The following PDSS2 variants were observed in gnomAD, a reference collection of about 807,000 sequenced individuals.
PDSS2 encodes decaprenyl diphosphate synthase subunit 2.
PDSS2 carries 31 observed loss-of-function variants against 44.5 expected under a neutral mutation model. The observed-to-expected ratio is 0.70, with a 90% CI of 0.52 to 0.94. The LOEUF is 0.94. PDSS2 is among the 40% of genes least tolerant of loss of function. The probability of loss-of-function intolerance (pLI) is 0.00; values close to 1 mark genes in which losing one functional copy is unlikely to be tolerated. For missense variants in PDSS2, 452 were observed against 482.2 expected, an observed-to-expected ratio of 0.94 and a Z score of 0.59; for synonymous variants, 157 against 180.3, an observed-to-expected ratio of 0.87 and a Z score of 1.03.
intron 1 of PDSS2, among the ~76,000 whole-genome samples, chr6:107,354,836 T>C (rs1212283475): frequency 6.6e-6 from 1 of 152,188 alleles, no homozygotes; most frequent in East Asian, 1.9e-4. Flanking sequence ...ACCTGCAAAA[T>C]AATATTTGGT....
At chr6:107,256,210 C>G (rs1256253927) in intron 3 of PDSS2, among the ~76,000 whole-genome samples, 1 of 152,088 alleles carries the variant, frequency 6.6e-6, no homozygotes, top group East Asian at 1.9e-4. Flanking sequence ...AGGCTGGTCT[C>G]GAACTCCTGA....
chr6:107,229,298 C>T lies in PDSS2; in HGVS notation c.702+16250G>A, dbSNP rs181997608. On this transcript the variant is annotated intron_variant, in intron 4 of 7. Transcript: ENST00000369037. The stretch of plus-strand genomic sequence containing the variant: ...ACCTCCTGGGTTCAAGCAATTCTCC[C>T]GCCTCAGCCTCCAGAGTAGCTGGGG... 3.4e-4 allele frequency among the ~76,000 whole-genome samples: 51 copies of T among 152,162 alleles called. No homozygotes were observed. In the East Asian group the frequency reaches 7.2e-3, roughly 21 times the overall value.
At chr6:107,328,660 T>C (rs775014779) in intron 2 of PDSS2, among the ~76,000 whole-genome samples, 18 of 152,296 alleles carry the variant, frequency 1.2e-4, no homozygotes, top group Middle Eastern at 3.4e-3. Context: ...ACCAAACTTT[T>C]GCCGCTTTCC....
chr6:107,214,107 A>AG (rs1773324960), intron 4 of PDSS2, among the ~76,000 whole-genome samples: 1 of 136,530 alleles, frequency 7.3e-6, no homozygotes, highest in African/African-American at 3.1e-5. Flanking sequence ...GCTATTTTAC[A>AG]CTTTTTTTTT....
At chr6:107,192,857 C>T (rs1051645017) in intron 7 of PDSS2, among the ~76,000 whole-genome samples, 10 of 152,046 alleles carry the variant, frequency 6.6e-5, no homozygotes, top group African/African-American at 2.4e-4. Context: ...TGGGTGTGCC[C>T]CACTAGGCTG....
chr6:107,402,222 G>C (rs1442898484), intron 1 of PDSS2, among the ~76,000 whole-genome samples: 4 of 151,326 alleles, frequency 2.6e-5, no homozygotes, highest in African/African-American at 9.7e-5. Context: ...AGAGGTTGCA[G>C]TGAGCCGAGA....
At chr6:107,254,945 C>T (rs554884743) in intron 3 of PDSS2, among the ~76,000 whole-genome samples, 75 of 151,550 alleles carry the variant, frequency 4.9e-4, no homozygotes, top group African/African-American at 1.8e-3. Flanking sequence ...CTCACTCCAA[C>T]TGCCACCTCC....
At chr6:107,295,833 A>T (rs1776491631) in intron 2 of PDSS2, among the ~76,000 whole-genome samples, 1 of 151,592 alleles carries the variant, frequency 6.6e-6, no homozygotes, top group African/African-American at 2.4e-5. Flanking sequence ...CCCTAGAATA[A>T]TTTTTTTTAG....
At chr6:107,401,473 A>T (rs1158440822) in intron 1 of PDSS2, among the ~76,000 whole-genome samples, 2 of 152,216 alleles carry the variant, frequency 1.3e-5, no homozygotes, top group Non-Finnish European at 2.9e-5. Context: ...CTGTTACCCC[A>T]GATGTGAAGG....
Position 107,153,888 on chromosome 6 carries a change from CA to C in PDSS2, c.*730del, listed in dbSNP as rs1770791657. ...GTCAGGAGTTCGAGACTAGCCTGACCAACATAGTGAAACCCCATCTCTACTA... is the reference window on the plus strand; with the variant it reads ...GTCAGGAGTTCGAGACTAGCCTGACCACATAGTGAAACCCCATCTCTACTA... On this transcript the variant is annotated 3_prime_UTR_variant, in exon 8 of 8. Transcript: ENST00000369037. 6.6e-6 allele frequency: 1 copy of C among 152,316 alleles called. No homozygotes were observed. The highest frequency in any genetic ancestry group is 1.5e-5 in the Non-Finnish European group (1 of 68,298). 9.4% of individuals were successfully genotyped at this position (152,316 alleles called of 1,614,324 possible).
intron 1 of PDSS2, among the ~76,000 whole-genome samples, chr6:107,418,717 G>T (rs2114689916): frequency 6.6e-6 from 1 of 152,322 alleles, no homozygotes; most frequent in East Asian, 1.9e-4. Flanking sequence ...GGTGGCTGCA[G>T]TGAGCCGAGA....
chr6:107,163,099 A>C (rs1365536921), intron 7 of PDSS2, among the ~76,000 whole-genome samples: 1 of 152,052 alleles, frequency 6.6e-6, no homozygotes, highest in Non-Finnish European at 1.5e-5. Flanking sequence ...ACCAGCCTGC[A>C]CTCCAGAATG....
intron 1 of PDSS2, among the ~76,000 whole-genome samples, chr6:107,446,310 A>G (rs319082): frequency 0.78 from 117,754 of 151,804 alleles, 46,006 homozygotes; most frequent in Non-Finnish European, 0.83. Flanking sequence ...GCAAGACTCC[A>G]TCTAAAAAAA....
At chr6:107,334,494 G>A (rs898928616) in intron 1 of PDSS2, among the ~76,000 whole-genome samples, 162 bp from the exon 2 acceptor site, 1 of 151,498 alleles carries the variant, frequency 6.6e-6, no homozygotes, top group East Asian at 1.9e-4. Flanking sequence ...GATGCCATGA[G>A]TTCAGGAAAC....
At chr6:107,384,812 T>G (rs538259926) in intron 1 of PDSS2, among the ~76,000 whole-genome samples, 29 of 152,150 alleles carry the variant, frequency 1.9e-4, no homozygotes, top group Non-Finnish European at 4.1e-4. Context: ...ATTCTCCCCC[T>G]GGTGCTTTCC....
chr6:107,369,877 G>C (rs1779078679), intron 1 of PDSS2, among the ~76,000 whole-genome samples: 1 of 152,026 alleles, frequency 6.6e-6, no homozygotes, highest in Non-Finnish European at 1.5e-5. Flanking sequence ...GTGGTGTTAT[G>C]TCTGTAGTCC....
chr6:107,288,714 A>T (rs1458823098), intron 2 of PDSS2, among the ~76,000 whole-genome samples: 2 of 148,764 alleles, frequency 1.3e-5, no homozygotes, highest in African/African-American at 5.0e-5. Context: ...GGGGTCATTA[A>T]GGAGGGGCTG....
intron 1 of PDSS2, among the ~76,000 whole-genome samples, chr6:107,419,620 C>T (rs528161567): frequency 1.7e-4 from 26 of 152,270 alleles, no homozygotes; most frequent in Admixed American, 1.6e-3. Flanking sequence ...CCATCAAATT[C>T]TCTGATAATG....
At chr6:107,313,648 C>T (rs1777115122) in intron 2 of PDSS2, among the ~76,000 whole-genome samples, 1 of 152,170 alleles carries the variant, frequency 6.6e-6, no homozygotes, top group Admixed American at 6.5e-5. Context: ...GCCACCACGC[C>T]CGGCCCTACA....
Sources: gnomAD v4.1 joint callset for allele counts (sites outside exome capture counted in the v4.1 genomes callset) on GRCh38, gnomAD v4.1.1 for gene constraint, MANE v1.5 for transcripts, NCBI Gene and HGNC (gene_info 2026-07-23, HGNC 2026-07-21) for gene names.